Variants in CSMD1 observed in about 807,000 individuals in gnomAD.
CSMD1 encodes the protein CUB and sushi domain-containing protein 1.
CSMD1 carries 213 observed loss-of-function variants against 417.5 expected under a neutral mutation model. That is an observed-to-expected ratio of 0.51 (90% CI 0.46 to 0.57). The LOEUF (loss-of-function observed/expected upper bound fraction) is 0.57. Ranked by LOEUF, CSMD1 falls within the 20% of genes least tolerant of loss-of-function variation. The pLI is 0.00. For synonymous variants in CSMD1, 2,862 were observed against 1,736.8 expected (o/e 1.65, Z -16.11); for missense variants, 6,923 against 4,529.7 (o/e 1.53, Z -15.17).
intron 1 of CSMD1, among the ~76,000 whole-genome samples, chr8:4,889,385 A>C (rs1034211375): frequency 4.6e-5 from 7 of 152,168 alleles, no homozygotes; most frequent in Admixed American, 2.6e-4. Context: ...AGACTGAGAA[A>C]CCACCAAATG....
At chr8:4,047,464 T>C (rs1211318933) in intron 3 of CSMD1, among the ~76,000 whole-genome samples, 1 of 152,200 alleles carries the variant, frequency 6.6e-6, no homozygotes, top group Admixed American at 6.5e-5. Context: ...AGAATCATTA[T>C]AGCTAACTCA....
chr8:3,945,197 A>G (rs3109776), intron 5 of CSMD1, among the ~76,000 whole-genome samples: 2 of 142,064 alleles, frequency 1.4e-5, no homozygotes, highest in Non-Finnish European at 3.1e-5. Flanking sequence ...AAAAAAAAAA[A>G]CAGAAGCTAA....
At chr8:3,019,196 G>C (rs1454375912) in intron 51 of CSMD1, among the ~76,000 whole-genome samples, 1 of 152,160 alleles carries the variant, frequency 6.6e-6, no homozygotes, top group African/African-American at 2.4e-5. Context: ...GGGATTACAG[G>C]CGTGAGCCAC....
intron 30 of CSMD1, among the ~76,000 whole-genome samples, chr8:3,206,683 T>C: frequency 6.8e-6 from 1 of 146,234 alleles, no homozygotes; most frequent in African/African-American, 2.5e-5. Context: ...TGTGTGTGTG[T>C]ATATGTGTGT....
intron 3 of CSMD1, among the ~76,000 whole-genome samples, chr8:4,097,394 T>C (rs574586635): frequency 1.3e-5 from 2 of 152,328 alleles, no homozygotes; most frequent in Non-Finnish European, 2.9e-5. Context: ...TTATAAGAAT[T>C]AAACAGACCA....
intron 7 of CSMD1, among the ~76,000 whole-genome samples, chr8:3,671,878 G>C (rs1477628228): frequency 6.6e-6 from 1 of 152,038 alleles, no homozygotes; most frequent in Non-Finnish European, 1.5e-5. Context: ...ATCACTGGGA[G>C]ATGGGGCACC....
At chr8:4,132,986 T>G (rs923166515) in intron 3 of CSMD1, among the ~76,000 whole-genome samples, 2 of 152,198 alleles carry the variant, frequency 1.3e-5, no homozygotes, top group Admixed American at 6.5e-5. Flanking sequence ...CAGGCTGCAG[T>G]GCAGTGGCGC....
intron 1 of CSMD1, among the ~76,000 whole-genome samples, chr8:4,730,083 A>C (rs2116950616): frequency 6.6e-6 from 1 of 152,276 alleles, no homozygotes; most frequent in East Asian, 1.9e-4. Flanking sequence ...AAATTGTATG[A>C]CATCTTTATT....
At chr8:3,222,195 G>C (rs543872253) in intron 28 of CSMD1, among the ~76,000 whole-genome samples, 4 of 152,242 alleles carry the variant, frequency 2.6e-5, no homozygotes, top group Non-Finnish European at 5.9e-5. Context: ...CAAACTTCCA[G>C]AGGGGTGTAT....
At chr8:4,038,286 C>T (rs976876825) in intron 3 of CSMD1, among the ~76,000 whole-genome samples, 1 of 152,008 alleles carries the variant, frequency 6.6e-6, no homozygotes, top group Non-Finnish European at 1.5e-5. Context: ...ATATTTTCTT[C>T]TAGTTTCAAA....
At chr8:3,224,355 C>G (rs111767826) in intron 27 of CSMD1, among the ~76,000 whole-genome samples, 1 of 152,204 alleles carries the variant, frequency 6.6e-6, no homozygotes, top group Non-Finnish European at 1.5e-5. Flanking sequence ...CAGGGATCAT[C>G]TAGCTCCTGT....
chr8:4,474,886 G>C (rs987995396), intron 2 of CSMD1, among the ~76,000 whole-genome samples: 1 of 152,048 alleles, frequency 6.6e-6, no homozygotes, highest in African/African-American at 2.4e-5. Context: ...ATTTTCTCTA[G>C]CTTACTTTCT....
Position 3,428,935 on chromosome 8 carries a change from G to A in CSMD1, c.1562-19330C>T, listed in dbSNP as rs270064. On this transcript the variant is annotated intron_variant, in intron 12 of 69. Coordinates refer to ENST00000635120, the MANE Select transcript of CSMD1 (RefSeq NM_033225.6). ...ACTTTGTTAAGTAAAGTGAGCCAGT[G>A]ACAGAAAGACAAGCACATCATCATC... Among the ~76,000 whole-genome samples, 1,176 of 152,248 alleles carry A rather than the reference G, an allele frequency of 7.7e-3. 14 individuals carry two copies. The highest frequency in any genetic ancestry group is 0.026 in the African/African-American group (1,099 of 41,540).
intron 46 of CSMD1, among the ~76,000 whole-genome samples, chr8:3,100,134 C>T (rs1815625424): frequency 6.6e-6 from 1 of 152,138 alleles, no homozygotes; most frequent in Non-Finnish European, 1.5e-5. Context: ...TCACTGCAGC[C>T]TTGACCTCCC....
intron 1 of CSMD1, among the ~76,000 whole-genome samples, chr8:4,768,371 C>T (rs528396807): frequency 1.3e-5 from 2 of 152,254 alleles, no homozygotes; most frequent in South Asian, 2.1e-4. Flanking sequence ...TCAAAGCTTC[C>T]TGTTCTTTCC....
chr8:3,188,043 T>G, intron 35 of CSMD1, 78 bp from the exon 36 acceptor site: 4 of 932,594 alleles, frequency 4.3e-6, no homozygotes, highest in Admixed American at 2.2e-5. Context: ...TTTTGGGGTT[T>G]TTCATGATTA....
intron 1 of CSMD1, among the ~76,000 whole-genome samples, chr8:4,958,682 T>A (rs964063659): frequency 2.0e-5 from 3 of 152,162 alleles, no homozygotes; most frequent in African/African-American, 7.2e-5. Context: ...ATGGAGTTTT[T>A]AAGAATAATA....
At chr8:3,668,218 G>C (rs572046133) in intron 7 of CSMD1, among the ~76,000 whole-genome samples, 4 of 152,212 alleles carry the variant, frequency 2.6e-5, no homozygotes, top group African/African-American at 7.2e-5. Flanking sequence ...TAGTAAAACT[G>C]ACATCCGTCC....
chr8:3,927,158 A>G (rs1452208605), intron 5 of CSMD1, among the ~76,000 whole-genome samples: 3 of 151,966 alleles, frequency 2.0e-5, no homozygotes, highest in African/African-American at 4.8e-5. Flanking sequence ...GGGTTGTCAT[A>G]AAGTTTTGAA....
Sources: gnomAD v4.1 joint callset for allele counts (sites outside exome capture counted in the v4.1 genomes callset) on GRCh38, gnomAD v4.1.1 for gene constraint, MANE v1.5 for transcripts, NCBI Gene and HGNC (gene_info 2026-07-23, HGNC 2026-07-21) for gene names.